Variants in TRAF2 observed in about 807,000 individuals in gnomAD.
TRAF2 encodes TNF receptor-associated factor 2.
A neutral mutation model predicts 55.6 loss-of-function variants in TRAF2; 6 were observed. The observed-to-expected ratio is 0.11, with a 90% CI of 0.06 to 0.21. The LOEUF is 0.21. Ranked by LOEUF, TRAF2 falls within the 10% of genes least tolerant of loss-of-function variation. TRAF2 has a pLI of 1.00. For synonymous variants in TRAF2, 329 were observed against 276.3 expected, an observed-to-expected ratio of 1.19 and a Z score of -1.89; for missense variants, 561 against 684.5, an observed-to-expected ratio of 0.82 and a Z score of 2.01.
In TRAF2 at chr9:136,908,101, T is replaced by C; in HGVS notation, c.398T>C (p.Leu133Pro). The change falls in exon 5 of 11, where the codon CTG (leucine) becomes CCG (proline). Residue 133 changes from leucine to proline, a missense_variant. Leu to Pro is a moderately conservative substitution (Grantham distance 98). This residue lies in a region of TRAF2 where 426 missense variants were observed against 476.8 expected (regional missense o/e 0.89). Transcript: ENST00000247668. ...CACGAAGGCCGCTGCCCGCTCATGC[T>C]GACCGAATGTCCCGCGTGCAAAGGC... ...SCHEGRCPLM[L>P]TECPACKGLV... The C allele has an allele frequency of 1.2e-6, 2 of 1,606,020 alleles. No individual in the cohort carries two copies. The highest frequency in any genetic ancestry group is 2.2e-5 in the East Asian group (1 of 44,878).
At chr9:136,922,879 A>T (rs4880165) in intron 9 of TRAF2, among the ~76,000 whole-genome samples, 6 of 121,828 alleles carry the variant, frequency 4.9e-5, no homozygotes, top group East Asian at 2.5e-4. Context: ...TGGGGGCACG[A>T]GGTGGAGAGG....
chr9:136,889,912 C>T (rs534686475), intron 1 of TRAF2, among the ~76,000 whole-genome samples: 9 of 152,206 alleles, frequency 5.9e-5, no homozygotes, highest in African/African-American at 1.9e-4. Context: ...TGATAATCAC[C>T]CCCGCATGCT....
Position 136,920,390 on chromosome 9 carries a change from A to G in TRAF2, c.835A>G (p.Thr279Ala). The G allele has an allele frequency of 6.2e-7, 1 of 1,614,106 alleles. No homozygotes were observed. Among genetic ancestry groups the G allele is most frequent in the Non-Finnish European group, 8.5e-7 (1 of 1,180,028 alleles). The change falls in exon 8 of 11, where the codon ACG becomes GCG. Residue 279 changes from threonine (T) to alanine (A), a missense_variant. Thr to Ala is a moderately conservative substitution (Grantham distance 58). This residue lies in a region of TRAF2 where 426 missense variants were observed against 476.8 expected (regional missense o/e 0.89). Coordinates refer to ENST00000247668, the MANE Select transcript of TRAF2 (RefSeq NM_021138.4). The part of the protein sequence containing the change: ...LQRCESLEKK[T>A]ATFENIVCVL... Reference sequence around the variant, plus strand: ...GAGGTGCGAGAGCCTGGAGAAGAAGACGGCCACTTTTGAGAACATTGTCTG... The same window carrying G: ...GAGGTGCGAGAGCCTGGAGAAGAAGGCGGCCACTTTTGAGAACATTGTCTG...
At chr9:136,924,463 A>G (rs1850472324) in intron 10 of TRAF2, among the ~76,000 whole-genome samples, 1 of 151,868 alleles carries the variant, frequency 6.6e-6, no homozygotes, top group Admixed American at 6.6e-5. Flanking sequence ...TCGGGAGGCT[A>G]AGGCAGGAGC....
chr9:136,892,951 A>G (rs1849610817), intron 1 of TRAF2, among the ~76,000 whole-genome samples: 1 of 152,228 alleles, frequency 6.6e-6, no homozygotes, highest in East Asian at 1.9e-4. Flanking sequence ...AAAGAAAGAA[A>G]ATAGAACACT....
chr9:136,924,794 C>T (rs1850480662), intron 10 of TRAF2, among the ~76,000 whole-genome samples: 1 of 152,024 alleles, frequency 6.6e-6, no homozygotes, highest in African/African-American at 2.4e-5. Context: ...GGCTGGAGTG[C>T]AGTGGCATGA....
In TRAF2 at chr9:136,908,113, C is replaced by T. The variant is rs1850000816; in HGVS notation, c.410C>T (p.Pro137Leu). 4 of 1,606,162 alleles carry T rather than the reference C, an allele frequency of 2.5e-6. No individual in the cohort carries two copies. Among genetic ancestry groups the T allele is most frequent in the East Asian group, 2.2e-5 (1 of 44,884 alleles). ...GRCPLMLTEC[P>L]ACKGLVRLGE... ...TGCCCGCTCATGCTGACCGAATGTC[C>T]CGCGTGCAAAGGCCTGGTCCGCCTT... is the stretch of plus-strand genomic sequence containing the variant. Residue 137 changes from proline (P) to leucine (L), a missense_variant, in exon 5 of 11, where the codon CCC (proline) becomes CTC (leucine). Physicochemically the swap from Pro to Leu is moderately conservative, Grantham distance 98. Coordinates refer to ENST00000247668, the MANE Select transcript of TRAF2 (RefSeq NM_021138.4).
intron 3 of TRAF2, among the ~76,000 whole-genome samples, chr9:136,900,182 A>AT (rs765960576): frequency 7.7e-6 from 1 of 129,096 alleles, no homozygotes; most frequent in African/African-American, 2.7e-5. Flanking sequence ...AAAAAAAAAA[A>AT]GAATAAAGGG....
chr9:136,909,640 C>T (rs536388163), intron 5 of TRAF2, among the ~76,000 whole-genome samples: 20 of 152,366 alleles, frequency 1.3e-4, no homozygotes, highest in Admixed American at 1.1e-3. Flanking sequence ...CCATCTTCAC[C>T]GGGGCCGTTG....
chr9:136,906,656 AAAC>A (rs1225603282), intron 4 of TRAF2, among the ~76,000 whole-genome samples: 4 of 152,140 alleles, frequency 2.6e-5, no homozygotes, highest in Non-Finnish European at 5.9e-5. Context: ...AAACAAAACA[AAAC>A]AAAAAGCCCT....
chr9:136,882,763 T>TCA, upstream of TRAF2: 2 of 985,596 alleles, frequency 2.0e-6, no homozygotes, highest in Non-Finnish European at 2.4e-6. Flanking sequence ...GGCCAAGGTG[T>TCA]CACAGCTTCC....
upstream of TRAF2, among the ~76,000 whole-genome samples, chr9:136,884,103 C>T (rs147779100): frequency 4.7e-3 from 707 of 151,836 alleles, 7 homozygotes; most frequent in African/African-American, 0.016. Context: ...GGTGAGCCAC[C>T]GCGCCCGGCC....
At chr9:136,906,385 G>A (rs902153247) in intron 4 of TRAF2, among the ~76,000 whole-genome samples, 7 of 152,202 alleles carry the variant, frequency 4.6e-5, no homozygotes, top group African/African-American at 1.7e-4. Flanking sequence ...CATGGAGGAA[G>A]GCAAAGGAGG....
intron 6 of TRAF2, among the ~76,000 whole-genome samples, chr9:136,913,081 C>T (rs1399269029): frequency 2.6e-5 from 4 of 151,768 alleles, no homozygotes; most frequent in African/African-American, 4.8e-5. Flanking sequence ...AGGTTGCAGT[C>T]GCAGTGAGCC....
chr9:136,914,078 G>GCCAGC, intron 6 of TRAF2, among the ~76,000 whole-genome samples: 1 of 152,342 alleles, frequency 6.6e-6, no homozygotes, highest in East Asian at 1.9e-4. Context: ...TGGTGATGCT[G>GCCAGC]GCAGGAACCA....
At chr9:136,889,187 G>A (rs1226894343) in intron 1 of TRAF2, among the ~76,000 whole-genome samples, 1 of 142,746 alleles carries the variant, frequency 7.0e-6, no homozygotes, top group African/African-American at 2.6e-5. Context: ...TTGTTTGTTT[G>A]TTTTTCTTTT....
upstream of TRAF2, among the ~76,000 whole-genome samples, chr9:136,885,905 G>A (rs1342303046): frequency 1.3e-5 from 2 of 152,260 alleles, no homozygotes; most frequent in African/African-American, 4.8e-5. Context: ...TTACTTAAGT[G>A]TGCAGTATTC....
chr9:136,919,077 C>T (rs895002213), intron 7 of TRAF2, among the ~76,000 whole-genome samples: 10 of 14,886 alleles, frequency 6.7e-4, no homozygotes, highest in African/African-American at 2.5e-3. Context: ...TATTTATTTT[C>T]GAAACAGAGT....
chr9:136,909,719 A>T (rs922524984), intron 5 of TRAF2, among the ~76,000 whole-genome samples: 2 of 152,164 alleles, frequency 1.3e-5, no homozygotes, highest in African/African-American at 4.8e-5. Context: ...CTGGCAGAAC[A>T]AACAAAGCGT....
Sources: allele counts gnomAD v4.1 joint callset (sites outside exome capture counted in the v4.1 genomes callset), GRCh38; gene constraint gnomAD v4.1.1; regional missense constraint gnomAD v4.1.1; transcripts MANE v1.5; gene names NCBI Gene and HGNC (gene_info 2026-07-23, HGNC 2026-07-21).